Variants in SKIC2 observed in about 807,000 individuals in gnomAD.
SKIC2 encodes SKI2 subunit of superkiller complex.
chr6:31,968,131 C>T, the SKIC2 span: 2 of 1,607,862 alleles, frequency 1.2e-6, no homozygotes, highest in Non-Finnish European at 1.7e-6. The surrounding 1 kb of genome is among the most constrained non-coding windows in gnomAD (Gnocchi z 6.1). Context: ...CACGTAGAGG[C>T]AGGGAGGGGC....
the SKIC2 span, chr6:31,965,976 G>A: frequency 9.9e-6 from 16 of 1,608,976 alleles, no homozygotes; most frequent in Admixed American, 1.0e-4. The surrounding 1 kb of genome is among the most constrained non-coding windows in gnomAD (Gnocchi z 5.6). Context: ...TGCAAGGGCC[G>A]AGTGCCCGAG....
the SKIC2 span, chr6:31,962,760 G>C: frequency 6.2e-7 from 1 of 1,612,800 alleles, no homozygotes. This position sits in a 1 kb window ranked among gnomAD's most constrained non-coding sequence, Gnocchi z 5.0. Context: ...CCTGGAGTGG[G>C]TCATCTTTGA....
At chr6:31,962,508 G>A in the SKIC2 span, 1 of 1,614,094 alleles carries the variant, frequency 6.2e-7, no homozygotes, top group Non-Finnish European at 8.5e-7. This position sits in a 1 kb window ranked among gnomAD's most constrained non-coding sequence, Gnocchi z 5.0. Context: ...ACACATTCGG[G>A]GATGTGGGGC....
At chr6:31,964,027 TC>T in the SKIC2 span, 1 of 1,612,566 alleles carries the variant, frequency 6.2e-7, no homozygotes, top group Non-Finnish European at 8.5e-7. This position sits in a 1 kb window ranked among gnomAD's most constrained non-coding sequence, Gnocchi z 5.0. Flanking sequence ...AGGCCTCACC[TC>T]CCTTGACCTC....
the SKIC2 span, chr6:31,968,849 A>G: frequency 2.2e-5 from 35 of 1,611,278 alleles, no homozygotes; most frequent in Middle Eastern, 1.7e-4. The surrounding 1 kb of genome is among the most constrained non-coding windows in gnomAD (Gnocchi z 6.1). Context: ...AGTGTGTCCA[A>G]TGCCCACCCT....
At chr6:31,968,956 T>G in the SKIC2 span, 11 of 1,612,792 alleles carry the variant, frequency 6.8e-6, no homozygotes, top group Non-Finnish European at 9.3e-6. This position sits in a 1 kb window ranked among gnomAD's most constrained non-coding sequence, Gnocchi z 6.1. Context: ...AGCCATGAGT[T>G]GCTCCTCACT....
chr6:31,968,216 C>G, the SKIC2 span: 1 of 1,445,564 alleles, frequency 6.9e-7, no homozygotes, highest in South Asian at 1.2e-5. The surrounding 1 kb of genome is among the most constrained non-coding windows in gnomAD (Gnocchi z 6.1). Context: ...CTCCCCCAGC[C>G]TAAGGGAGAC....
At chr6:31,962,623 G>A in the SKIC2 span, 12 of 1,609,150 alleles carry the variant, frequency 7.5e-6, no homozygotes, top group Non-Finnish European at 1.0e-5. The surrounding 1 kb of genome is among the most constrained non-coding windows in gnomAD (Gnocchi z 5.0). Flanking sequence ...AGTTTTGGCT[G>A]GGAAGATGTG....
At chr6:31,966,987 C>T in the SKIC2 span, 2 of 1,612,920 alleles carry the variant, frequency 1.2e-6, no homozygotes, top group Non-Finnish European at 1.7e-6. This position sits in a 1 kb window ranked among gnomAD's most constrained non-coding sequence, Gnocchi z 5.9. Flanking sequence ...TCACAGCTTC[C>T]CCTGCTCCCA....
the SKIC2 span, chr6:31,966,788 G>T: frequency 1.2e-6 from 2 of 1,614,022 alleles, no homozygotes; most frequent in Non-Finnish European, 1.7e-6. The surrounding 1 kb of genome is among the most constrained non-coding windows in gnomAD (Gnocchi z 5.9). Flanking sequence ...GATGCCCTCA[G>T]GGTGGAGGAC....
chr6:31,960,366 T>G, the SKIC2 span: 3 of 1,602,462 alleles, frequency 1.9e-6, no homozygotes, highest in East Asian at 4.5e-5. Context: ...TGAGAAACAG[T>G]TGGGGAGAAG....
the SKIC2 span, chr6:31,961,881 A>G: frequency 1.2e-6 from 2 of 1,611,008 alleles, no homozygotes; most frequent in East Asian, 2.2e-5. Context: ...TCCTTTCTTC[A>G]GCTCCTGTCT....
the SKIC2 span, chr6:31,967,614 A>C: frequency 7.3e-7 from 1 of 1,360,722 alleles, no homozygotes; most frequent in Non-Finnish European, 1.0e-6. This position sits in a 1 kb window ranked among gnomAD's most constrained non-coding sequence, Gnocchi z 4.9. Flanking sequence ...TGAGCTCTGC[A>C]TGGTTGCTTC....
chr6:31,961,651 C>T, the SKIC2 span: 5 of 1,612,644 alleles, frequency 3.1e-6, no homozygotes, highest in African/African-American at 5.3e-5. Context: ...ATTTCTATCG[C>T]CTCATTCCCC....
At chr6:31,964,125 GGTGCGTCTGT>G in the SKIC2 span, 2,650 of 1,612,526 alleles carry the variant, frequency 1.6e-3, 5 homozygotes, top group African/African-American at 5.2e-3. This position sits in a 1 kb window ranked among gnomAD's most constrained non-coding sequence, Gnocchi z 5.0. Context: ...AGCTGCCCCA[GGTGCGTCTGT>G]GTGCGTCTGT....
the SKIC2 span, chr6:31,963,152 G>C: frequency 1.7e-6 from 2 of 1,193,258 alleles, no homozygotes; most frequent in Non-Finnish European, 2.5e-6. This position sits in a 1 kb window ranked among gnomAD's most constrained non-coding sequence, Gnocchi z 5.3. Context: ...TGATTCGGGT[G>C]GGGGACTAAG....
the SKIC2 span, chr6:31,961,534 C>CT: frequency 1.9e-6 from 3 of 1,588,698 alleles, no homozygotes; most frequent in Non-Finnish European, 2.6e-6. Flanking sequence ...ACTGCTACCC[C>CT]TGACTCTTCC....
At chr6:31,967,522 C>A in the SKIC2 span, 1 of 802,960 alleles carries the variant, frequency 1.2e-6, no homozygotes, top group Non-Finnish European at 2.1e-6. This position sits in a 1 kb window ranked among gnomAD's most constrained non-coding sequence, Gnocchi z 4.9. Context: ...CCCTTCCCAT[C>A]ACCACATCAT....
the SKIC2 span, chr6:31,963,556 A>G: frequency 6.3e-7 from 1 of 1,577,556 alleles, no homozygotes; most frequent in Non-Finnish European, 8.6e-7. The surrounding 1 kb of genome is among the most constrained non-coding windows in gnomAD (Gnocchi z 5.3). Context: ...TTCCATACAA[A>G]AGGGTAAGCC....
Sources: gnomAD v4.1 joint callset for allele counts on GRCh38, gnomAD v4.1.1 for gene constraint, Gnocchi (gnomAD v3.1) non-coding constraint, MANE v1.5 for transcripts, NCBI Gene and HGNC (gene_info 2026-07-23, HGNC 2026-07-21) for gene names.